The following HERC6 variants were observed in gnomAD, a reference collection of about 807,000 sequenced individuals.
HERC6 encodes probable E3 ubiquitin-protein ligase HERC6.
HERC6 carries 101 observed loss-of-function variants against 114.5 expected under a neutral mutation model. The observed-to-expected ratio is 0.88, with a 90% CI of 0.75 to 1.04. HERC6 has a LOEUF of 1.04. HERC6 is among the 50% of genes least tolerant of loss of function. The pLI is 0.00. For synonymous variants in HERC6, 408 were observed against 436.2 expected, an observed-to-expected ratio of 0.94 and a Z score of 0.81; for missense variants, 1,133 against 1,230.9, an observed-to-expected ratio of 0.92 and a Z score of 1.19.
At chr4:88,414,542 CT>C (rs1332046187) in intron 12 of HERC6, among the ~76,000 whole-genome samples, 3 of 152,152 alleles carry the variant, frequency 2.0e-5, no homozygotes, top group African/African-American at 7.2e-5. Flanking sequence ...TAAAAAATGG[CT>C]ACTCCACAGG....
chr4:88,379,538 C>A (rs1336261597), intron 1 of HERC6, among the ~76,000 whole-genome samples: 1 of 149,736 alleles, frequency 6.7e-6, no homozygotes, highest in African/African-American at 2.5e-5. Flanking sequence ...CGCGGTTCTA[C>A]CTGGAGAAGG....
chr4:88,427,227 A>G (rs1737729338), intron 15 of HERC6, among the ~76,000 whole-genome samples: 1 of 152,242 alleles, frequency 6.6e-6, no homozygotes, highest in South Asian at 2.1e-4. Context: ...CAAATGTGTA[A>G]ATGTGAAAAG....
chr4:88,418,051 A>C (rs1178340450), intron 13 of HERC6, among the ~76,000 whole-genome samples: 1 of 152,202 alleles, frequency 6.6e-6, no homozygotes, highest in Non-Finnish European at 1.5e-5. Context: ...AAAACACACC[A>C]AAAATTACAC....
intron 12 of HERC6, among the ~76,000 whole-genome samples, chr4:88,413,914 G>C (rs746943805): frequency 2.6e-4 from 39 of 152,174 alleles, no homozygotes; most frequent in Non-Finnish European, 4.6e-4. Flanking sequence ...ATGAGCCTGA[G>C]AGGCAGGCAT....
At chr4:88,390,177 C>CAAAAAAAA (rs1156777502) in intron 3 of HERC6, among the ~76,000 whole-genome samples, 14 of 48,642 alleles carry the variant, frequency 2.9e-4, no homozygotes, top group East Asian at 5.7e-4. Context: ...AACTCTGTAT[C>CAAAAAAAA]AAAAAAAAAA....
chr4:88,387,658 G>T (rs955351868), intron 3 of HERC6, among the ~76,000 whole-genome samples: 3 of 152,122 alleles, frequency 2.0e-5, no homozygotes, highest in African/African-American at 7.2e-5. Context: ...TTTGATCATG[G>T]GCAAGTTATT....
Position 88,378,951 on chromosome 4 carries a change from G to A in HERC6, c.30G>A (p.Arg10=). MYFCWGADS[R]ELQRRRTAGS... Reference sequence around the variant, plus strand: ...ACTTCTGTTGGGGCGCCGACTCCAGGGAGCTGCAGCGCCGGAGGACGGCGG... The same window carrying A: ...ACTTCTGTTGGGGCGCCGACTCCAGAGAGCTGCAGCGCCGGAGGACGGCGG... The change falls in exon 1 of 23, where the codon AGG becomes AGA. Residue 10 remains arginine, a synonymous_variant. Coordinates refer to ENST00000264346, the MANE Select transcript of HERC6 (RefSeq NM_017912.4). 1 of 1,595,256 alleles carries A rather than the reference G, an allele frequency of 6.3e-7. No individual in the cohort carries two copies. Among genetic ancestry groups the A allele is most frequent in the Non-Finnish European group, 8.5e-7 (1 of 1,171,984 alleles).
intron 14 of HERC6, among the ~76,000 whole-genome samples, chr4:88,424,285 G>A (rs951787551): frequency 2.0e-5 from 3 of 152,164 alleles, no homozygotes; most frequent in Non-Finnish European, 4.4e-5. Flanking sequence ...CCCGGAGTTT[G>A]AGACCAGCTT....
intron 4 of HERC6, among the ~76,000 whole-genome samples, chr4:88,391,193 G>A (rs1466539161): frequency 1.3e-5 from 2 of 152,096 alleles, no homozygotes; most frequent in East Asian, 1.9e-4. Context: ...ATCCATTTTC[G>A]TGCCTTCCCC....
chr4:88,433,255 T>C (rs1318757783), intron 17 of HERC6, among the ~76,000 whole-genome samples: 1 of 152,190 alleles, frequency 6.6e-6, no homozygotes, highest in African/African-American at 2.4e-5. Flanking sequence ...TGTGGCATCA[T>C]GTTGGCACTC....
chr4:88,431,198 G>A lies in HERC6; in HGVS notation c.2143G>A (p.Gly715Arg), dbSNP rs1333548349. 1 of 1,612,800 alleles carries A rather than the reference G, an allele frequency of 6.2e-7. No homozygotes were observed. The highest frequency in any genetic ancestry group is 1.3e-5 in the African/African-American group (1 of 74,836). Residue 715 changes from glycine to arginine, a missense_variant, in exon 17 of 23, where the codon GGG becomes AGG. Transcript: ENST00000264346. ...TAATGAAATTTGTCCTGAGTCTGGAGGGGTTAGTTCAGAGTTCTTCCACTG... is the reference window on the plus strand; with the variant it reads ...TAATGAAATTTGTCCTGAGTCTGGAAGGGTTAGTTCAGAGTTCTTCCACTG... The part of the protein sequence containing the change: ...FINEICPESG[G>R]VSSEFFHCMF...
intron 3 of HERC6, 109 bp downstream of exon 3, chr4:88,385,684 C>T (rs1734536545): frequency 1.6e-6 from 1 of 610,176 alleles, no homozygotes; most frequent in Non-Finnish European, 2.9e-6. Flanking sequence ...TTTTTCATTC[C>T]CCAGGTTTCA....
At chr4:88,423,760 T>A (rs922135984) in intron 13 of HERC6, 100 bp from the exon 14 acceptor site, 1 of 461,612 alleles carries the variant, frequency 2.2e-6, no homozygotes, top group Admixed American at 4.4e-5. Flanking sequence ...AGAGCTTTCT[T>A]CTTCTTATCT....
intron 15 of HERC6, 35 bp downstream of exon 15, chr4:88,424,737 C>A: frequency 7.9e-7 from 1 of 1,269,588 alleles, no homozygotes; most frequent in South Asian, 1.3e-5. Context: ...TGAAAAATTT[C>A]AAACATATAT....
At chr4:88,437,874 C>T (rs1467935384) in intron 20 of HERC6, 93 bp downstream of exon 20, 19 of 968,498 alleles carry the variant, frequency 2.0e-5, no homozygotes, top group Non-Finnish European at 2.8e-5. Flanking sequence ...AAATATGGTT[C>T]ACACCTGTAA....
intron 7 of HERC6, 112 bp from the exon 8 acceptor site, chr4:88,398,030 C>G (rs1300779301): frequency 1.7e-6 from 1 of 597,086 alleles, no homozygotes; most frequent in Non-Finnish European, 2.9e-6. Flanking sequence ...AGTCAAAATC[C>G]ATTTAGGAGA....
At position 88,378,934 on chromosome 4, in the gene HERC6, T is replaced by G. The variant is rs1250810120; in HGVS notation, c.13T>G (p.Trp5Gly). The change falls in exon 1 of 23, where the codon TGG (tryptophan) becomes GGG (glycine). Residue 5 changes from tryptophan to glycine, a missense_variant. This residue lies in a region of HERC6 where 735 missense variants were observed against 754.0 expected (regional missense o/e 0.97). Coordinates refer to ENST00000264346, the MANE Select transcript of HERC6 (RefSeq NM_017912.4). ...GCGCAGAAGCGGGATGTACTTCTGT[T>G]GGGGCGCCGACTCCAGGGAGCTGCA... Reference protein sequence around the residue: MYFCWGADSRELQRR... With the variant: MYFCGGADSRELQRR... 9 of 1,593,112 alleles carry G rather than the reference T, an allele frequency of 5.6e-6. No homozygotes were observed. Among genetic ancestry groups the G allele is most frequent in the Non-Finnish European group, 7.7e-6 (9 of 1,170,730 alleles).
chr4:88,434,730 A>C (rs565668839), intron 17 of HERC6, among the ~76,000 whole-genome samples: 2 of 151,536 alleles, frequency 1.3e-5, no homozygotes, highest in South Asian at 2.1e-4. Flanking sequence ...CTTACTCTTA[A>C]GCATTATGCT....
rs1429984965 is a variant in HERC6 at position 88,385,509 on chromosome 4, A to C, written c.370A>C (p.Thr124Pro). The part of the protein sequence containing the change: ...EISFTPKKIM[T>P]LNDIKIIQVS... ...TTATTTGTATTATAGGAAAATAATG[A>C]CTCTGAATGATATAAAAATAATACA... Residue 124 changes from threonine (T) to proline (P), a missense_variant, in exon 3 of 23, where the codon ACT becomes CCT. Around this residue, in one of 3 missense-constraint regions of HERC6, gnomAD observed 735 missense variants for 754.0 expected, o/e 0.97. Coordinates refer to ENST00000264346, the MANE Select transcript of HERC6 (RefSeq NM_017912.4). The C allele has an allele frequency of 2.6e-5, 37 of 1,439,616 alleles. No individual in the cohort carries two copies. Among genetic ancestry groups the C allele is most frequent in the Non-Finnish European group, 3.2e-5 (34 of 1,062,770 alleles). The allele number at this position is 1,439,616 out of a possible 1,614,324, so 89.2% of individuals were successfully genotyped here. A position where few individuals can be genotyped will look rare whatever the true frequency, so the allele number is the denominator to read the frequency against.
Sources: allele counts gnomAD v4.1 joint callset (sites outside exome capture counted in the v4.1 genomes callset), GRCh38; gene constraint gnomAD v4.1.1; regional missense constraint gnomAD v4.1.1; transcripts MANE v1.5; gene names NCBI Gene and HGNC (gene_info 2026-07-23, HGNC 2026-07-21).